The following MTR variants were observed in gnomAD, a reference collection of about 807,000 sequenced individuals.
The protein encoded by MTR is methionine synthase.
Under a neutral mutation model 154.8 loss-of-function variants are expected in MTR, and 84 were observed. The observed-to-expected ratio is 0.54, with a 90% CI of 0.45 to 0.65. The LOEUF is 0.65. Ranked by LOEUF, MTR falls within the 30% of genes least tolerant of loss-of-function variation. The pLI is 0.00. For synonymous variants in MTR, 554 were observed against 553.9 expected, an observed-to-expected ratio of 1.00 and a Z score of 0.00; for missense variants, 1,275 against 1,570.2, an observed-to-expected ratio of 0.81 and a Z score of 3.18.
intron 15 of MTR, among the ~76,000 whole-genome samples, chr1:236,838,912 T>A (rs529991272): frequency 6.6e-6 from 1 of 152,346 alleles, no homozygotes; most frequent in South Asian, 2.1e-4. Context: ...TATAGTGTGT[T>A]GTTTCTATGT....
chr1:236,870,940 T>A (rs1665090954), intron 22 of MTR, among the ~76,000 whole-genome samples: 2 of 152,204 alleles, frequency 1.3e-5, no homozygotes, highest in African/African-American at 4.8e-5. Flanking sequence ...TTCCAGGATC[T>A]GACCACTTCT....
At chr1:236,876,102 C>T (rs953536050) in intron 24 of MTR, among the ~76,000 whole-genome samples, 5 of 152,022 alleles carry the variant, frequency 3.3e-5, no homozygotes, top group African/African-American at 1.2e-4. Flanking sequence ...AAATGTTAAT[C>T]ACATCAAAAA....
chr1:236,850,537 T>G lies in MTR; in HGVS notation c.1695+14T>G. On this transcript the variant is annotated intron_variant, in intron 16 of 32. Coordinates refer to ENST00000366577, the MANE Select transcript of MTR (RefSeq NM_000254.3). ...AAAGTCATTAAAGTAAGTGTAGGCA[T>G]GTTCTCTCCCAAGTCATGGCTCAAA... 6.2e-7 allele frequency: 1 copy of G among 1,612,234 alleles called. No homozygotes were observed. The highest frequency in any genetic ancestry group is 8.5e-7 in the Non-Finnish European group (1 of 1,178,510).
chr1:236,829,715 T>C (rs1331497172), intron 12 of MTR, among the ~76,000 whole-genome samples: 1 of 152,206 alleles, frequency 6.6e-6, no homozygotes, highest in Non-Finnish European at 1.5e-5. Context: ...ATTTGCCACA[T>C]GTTTAGGACT....
chr1:236,800,497 A>G, intron 1 of MTR: 2 of 982,756 alleles, frequency 2.0e-6, no homozygotes, highest in East Asian at 2.3e-4. Flanking sequence ...TTTAGTTCTT[A>G]GTCTTCTCAT....
chr1:236,806,975 T>A (rs575681513), intron 3 of MTR, among the ~76,000 whole-genome samples: 18 of 152,362 alleles, frequency 1.2e-4, no homozygotes, highest in African/African-American at 4.3e-4. Context: ...CACGTTTTGC[T>A]TATTCATCTG....
intron 15 of MTR, among the ~76,000 whole-genome samples, chr1:236,847,293 C>T (rs970403925): frequency 1.3e-5 from 2 of 152,224 alleles, no homozygotes; most frequent in Admixed American, 1.3e-4. Context: ...CTTTAACTCA[C>T]CTCTGAAGTT....
chr1:236,843,601 G>A (rs1334792700), intron 15 of MTR, among the ~76,000 whole-genome samples: 1 of 152,198 alleles, frequency 6.6e-6, no homozygotes, highest in East Asian at 1.9e-4. Context: ...AAATGTTAGA[G>A]TTTATTGCTG....
At position 236,886,307 on chromosome 1, in the gene MTR, C is replaced by T. The variant is rs745470236; in HGVS notation, c.2791C>T (p.Pro931Ser). ...TTTTTAACAGGAGAGGAGATACTTA[C>T]CCTTAAGTCAAGCCAGAAAAAGTGG... ...YESLKERRYL[P>S]LSQARKSGFQ... The change falls in exon 27 of 33, where the codon CCC (proline) becomes TCC (serine). Residue 931 changes from proline (P) to serine (S), a missense_variant. Physicochemically the swap from Pro to Ser is moderately conservative, Grantham distance 74 (BLOSUM62 -1). Coordinates refer to ENST00000366577, the MANE Select transcript of MTR (RefSeq NM_000254.3). 1.2e-6 allele frequency: 2 copies of T among 1,614,056 alleles called. No homozygotes were observed. The highest frequency in any genetic ancestry group is 2.2e-5 in the South Asian group (2 of 91,088).
chr1:236,856,347 T>C (rs921832327), intron 18 of MTR, among the ~76,000 whole-genome samples: 1 of 152,126 alleles, frequency 6.6e-6, no homozygotes, highest in African/African-American at 2.4e-5. Flanking sequence ...TCTTTTTTTT[T>C]ACTATCTCGT....
intron 15 of MTR, among the ~76,000 whole-genome samples, chr1:236,842,809 G>A (rs1663338275): frequency 7.6e-6 from 1 of 131,312 alleles, no homozygotes; most frequent in African/African-American, 2.6e-5. Context: ...TAATTGGCCA[G>A]GTGCAGTGGC....
rs568058949 is a variant in MTR, at chr1:236,878,456, G to A, written c.2595-2299G>A. Among the ~76,000 whole-genome samples, 633 of 152,188 alleles carry A rather than the reference G, an allele frequency of 4.2e-3. 9 individuals carry two copies. The highest frequency in any genetic ancestry group is 0.015 in the African/African-American group (609 of 41,480). ...CCAGACATCAGTGACTTGCAGTAGC[G>A]TGAGTAGAACTGGAACTGTACCCCC... is the stretch of plus-strand genomic sequence containing the variant. On this transcript the variant is annotated intron_variant, in intron 24 of 32. Coordinates refer to ENST00000366577, the MANE Select transcript of MTR (RefSeq NM_000254.3).
intron 25 of MTR, among the ~76,000 whole-genome samples, chr1:236,883,153 T>A (rs1665841209): frequency 6.6e-6 from 1 of 152,248 alleles, no homozygotes; most frequent in Admixed American, 6.5e-5. Context: ...TCTTTTCAGT[T>A]TACTCCCTCT....
intron 13 of MTR, among the ~76,000 whole-genome samples, chr1:236,834,345 A>G (rs2103140805): frequency 6.6e-6 from 1 of 152,160 alleles, no homozygotes; most frequent in East Asian, 1.9e-4. Context: ...AGGCCCAGCT[A>G]ATTTTTGTAT....
intron 19 of MTR, 149 bp downstream of exon 19, chr1:236,860,071 C>CCCG: frequency 6.4e-4 from 1 of 1,562 alleles, no homozygotes. Flanking sequence ...CCCCAGCTGC[C>CCCG]CCCCCCCCCC....
At chr1:236,810,746 A>G in intron 5 of MTR, 151 bp downstream of exon 5, 1 of 670,362 alleles carries the variant, frequency 1.5e-6, no homozygotes, top group Non-Finnish European at 2.7e-6. Flanking sequence ...AGTGCCTGGA[A>G]TATAGTAGAC....
chr1:236,885,359 C>A, intron 26 of MTR, 140 bp downstream of exon 26: 1 of 681,012 alleles, frequency 1.5e-6, no homozygotes. Flanking sequence ...TCTTCTAGTT[C>A]AAATCAGAGG....
intron 28 of MTR, 48 bp from the exon 29 acceptor site, chr1:236,891,085 G>A: frequency 6.3e-7 from 1 of 1,593,124 alleles, no homozygotes; most frequent in South Asian, 1.1e-5. Context: ...TTGTTTGATG[G>A]TTATTTTTGG....
intron 22 of MTR, among the ~76,000 whole-genome samples, chr1:236,866,686 A>G (rs1385031222): frequency 1.3e-5 from 2 of 152,232 alleles, no homozygotes; most frequent in Non-Finnish European, 2.9e-5. Flanking sequence ...AAGGAAATCT[A>G]AAATGCTCCT....
Sources: gnomAD v4.1 joint callset for allele counts (sites outside exome capture counted in the v4.1 genomes callset) on GRCh38, gnomAD v4.1.1 for gene constraint, MANE v1.5 for transcripts, NCBI Gene and HGNC (gene_info 2026-07-23, HGNC 2026-07-21) for gene names.